The following MOB3A variants were observed in gnomAD, a reference collection of about 807,000 sequenced individuals.
MOB3A encodes MOB LAK.
Under a neutral mutation model 17.8 loss-of-function variants are expected in MOB3A, and 17 were observed. The observed-to-expected ratio is 0.95, with a 90% CI of 0.65 to 1.43. The LOEUF (loss-of-function observed/expected upper bound fraction) is 1.43, where lower values mean the gene tolerates loss of function less well. MOB3A is among the 40% of genes most tolerant of loss of function. The pLI, the probability that MOB3A is intolerant of heterozygous loss-of-function variation, is 0.00. For missense variants in MOB3A, 333 were observed against 310.8 expected, an observed-to-expected ratio of 1.07 and a Z score of -0.54; for synonymous variants, 124 against 133.2, an observed-to-expected ratio of 0.93 and a Z score of 0.48.
intron 1 of MOB3A, among the ~76,000 whole-genome samples, chr19:2,094,416 A>G (rs1258883422): frequency 6.6e-6 from 1 of 152,270 alleles, no homozygotes; most frequent in African/African-American, 2.4e-5. Context: ...CTTCCCCTAC[A>G]TGAAAGCAAG....
At chr19:2,089,799 C>T (rs1340662857) in intron 1 of MOB3A, among the ~76,000 whole-genome samples, 1 of 151,730 alleles carries the variant, frequency 6.6e-6, no homozygotes, top group Non-Finnish European at 1.5e-5. Flanking sequence ...CTAATGCAGT[C>T]CCCCACTTGG....
At position 2,093,668 on chromosome 19, in the gene MOB3A, A is replaced by G. The variant is rs1054325045; in HGVS notation, c.-274+2558T>C. ...TGGCCAGCACATCCCAATTCGGACC[A>G]GCCACATTGCAAGGCCTCCACAGCC... On this transcript the variant is annotated intron_variant, in intron 1 of 4. Coordinates refer to ENST00000357066, the MANE Select transcript of MOB3A (RefSeq NM_130807.3). The surrounding 1 kb of genome is among the most constrained non-coding windows in gnomAD (Gnocchi z 4.6). Among the ~76,000 whole-genome samples, 11 of 152,180 alleles carry G rather than the reference A, an allele frequency of 7.2e-5. No individual in the cohort carries two copies. The highest frequency in any genetic ancestry group is 2.7e-4 in the African/African-American group (11 of 41,430).
In MOB3A at chr19:2,095,717, C is replaced by T. The variant is rs555297567; in HGVS notation, c.-274+509G>A. Among the ~76,000 whole-genome samples, 34 of 152,068 alleles carry T rather than the reference C, an allele frequency of 2.2e-4. No homozygotes were observed. The South Asian group carries it at 5.2e-3, about 23-fold the overall frequency. ...CTCCTGAAGGATCCGGCTTCCCTGCCGCCTGAGTTCGCCCTTCCTTTTTTC... is the reference window on the plus strand; with the variant it reads ...CTCCTGAAGGATCCGGCTTCCCTGCTGCCTGAGTTCGCCCTTCCTTTTTTC... On this transcript the variant is annotated intron_variant, in intron 1 of 4. Coordinates refer to ENST00000357066, the MANE Select transcript of MOB3A (RefSeq NM_130807.3).
intron 1 of MOB3A, among the ~76,000 whole-genome samples, chr19:2,087,515 C>G (rs917924772): frequency 7.9e-5 from 12 of 152,120 alleles, no homozygotes; most frequent in Non-Finnish European, 1.8e-4. Context: ...ATTAGCCAGG[C>G]ATGGTGGATG....
At chr19:2,079,667 G>A (rs932582463) in intron 2 of MOB3A, among the ~76,000 whole-genome samples, 2 of 152,226 alleles carry the variant, frequency 1.3e-5, no homozygotes, top group African/African-American at 4.8e-5. Context: ...AGTCCCTATC[G>A]TGTCAGCATT....
Position 2,078,482 on chromosome 19 carries a change from G to T in MOB3A, c.79C>A (p.Gln27Lys). 6.2e-7 allele frequency: 1 copy of T among 1,610,150 alleles called. No individual in the cohort carries two copies. The highest frequency in any genetic ancestry group is 2.2e-5 in the East Asian group (1 of 44,730). The part of the protein sequence containing the change: ...RPKRKFEPGT[Q>K]RFELHKKAQA... ...GCCTTCTTGTGCAGCTCGAAGCGCTGGGTGCCTGGCTCAAACTTGCGCTTG... is the reference window on the plus strand; with the variant it reads ...GCCTTCTTGTGCAGCTCGAAGCGCTTGGTGCCTGGCTCAAACTTGCGCTTG... The change falls in exon 3 of 5, where the codon CAG (glutamine) becomes AAG (lysine). Residue 27 changes from glutamine (Q) to lysine (K), a missense_variant. Coordinates refer to ENST00000357066, the MANE Select transcript of MOB3A (RefSeq NM_130807.3).
chr19:2,087,635 A>T (rs1271383017), intron 1 of MOB3A, among the ~76,000 whole-genome samples: 1 of 152,136 alleles, frequency 6.6e-6, no homozygotes, highest in Non-Finnish European at 1.5e-5. Context: ...AGCCTGGGGG[A>T]CAAAGTAAGA....
At chr19:2,073,987 C>A (rs1168396782) in intron 4 of MOB3A, among the ~76,000 whole-genome samples, 1 of 150,330 alleles carries the variant, frequency 6.7e-6, no homozygotes, top group Admixed American at 6.6e-5. Flanking sequence ...GCCAAGATCG[C>A]GCCACTGCAC....
intron 4 of MOB3A, among the ~76,000 whole-genome samples, chr19:2,075,394 G>T (rs149150670): frequency 2.0e-5 from 3 of 152,254 alleles, no homozygotes; most frequent in African/African-American, 7.2e-5. Context: ...GAATACTTTG[G>T]GAGGCCAAGG....
chr19:2,084,719 T>C (rs1051029057), intron 2 of MOB3A, among the ~76,000 whole-genome samples: 3 of 151,746 alleles, frequency 2.0e-5, no homozygotes, highest in Admixed American at 2.0e-4. Flanking sequence ...GCCTCCTGAG[T>C]AGCTGGGACT....
chr19:2,083,019 G>GTTT (rs2017508699), intron 2 of MOB3A, among the ~76,000 whole-genome samples: 1 of 143,892 alleles, frequency 6.9e-6, no homozygotes, highest in African/African-American at 2.7e-5. Flanking sequence ...TGTTGTTGTT[G>GTTT]TATTTTTTGT....
chr19:2,075,540 C>G lies in MOB3A; in HGVS notation c.624+1271G>C, dbSNP rs141715335. ...ACTCGGAGGCTGGTGGGGTCCCGCTCTCACATCAGGATCCCCACATCCATA... is the reference window on the plus strand; with the variant it reads ...ACTCGGAGGCTGGTGGGGTCCCGCTGTCACATCAGGATCCCCACATCCATA... On this transcript the variant is annotated intron_variant, in intron 4 of 4. Transcript: ENST00000357066. Among the ~76,000 whole-genome samples the G allele has an allele frequency of 4.0e-3, 608 of 152,234 alleles. 3 individuals are homozygous for G. The highest frequency in any genetic ancestry group is 0.014 in the African/African-American group (594 of 41,546).
At chr19:2,094,968 C>T (rs2017657024) in intron 1 of MOB3A, among the ~76,000 whole-genome samples, 1 of 152,288 alleles carries the variant, frequency 6.6e-6, no homozygotes, top group East Asian at 1.9e-4. Context: ...GTCAGGAGCT[C>T]AAGACCAGCC....
At chr19:2,083,930 C>A (rs1055461767) in intron 2 of MOB3A, among the ~76,000 whole-genome samples, 1 of 152,058 alleles carries the variant, frequency 6.6e-6, no homozygotes, top group Non-Finnish European at 1.5e-5. Flanking sequence ...CACAGGCCCC[C>A]GCTTGTCTTT....
intron 1 of MOB3A, among the ~76,000 whole-genome samples, chr19:2,091,185 C>T (rs2017609842): frequency 6.6e-6 from 1 of 152,130 alleles, no homozygotes; most frequent in African/African-American, 2.4e-5. Flanking sequence ...GAGTCATTCC[C>T]AAGCCCATCT....
intron 2 of MOB3A, among the ~76,000 whole-genome samples, chr19:2,081,318 T>C (rs1049594810): frequency 4.6e-5 from 7 of 152,164 alleles, no homozygotes; most frequent in Non-Finnish European, 1.0e-4. Context: ...CCGGGCGTGG[T>C]GGCTCACGCC....
intron 1 of MOB3A, among the ~76,000 whole-genome samples, chr19:2,087,845 G>C (rs1471797232): frequency 1.3e-5 from 2 of 152,172 alleles, no homozygotes; most frequent in African/African-American, 2.4e-5. Context: ...TCCTTTCACG[G>C]AACTTTTTCC....
At chr19:2,091,145 G>T (rs1314815938) in intron 1 of MOB3A, among the ~76,000 whole-genome samples, 1 of 152,174 alleles carries the variant, frequency 6.6e-6, no homozygotes, top group Non-Finnish European at 1.5e-5. Context: ...CCGGCTGCTG[G>T]CCAGATCAGG....
At chr19:2,095,638 C>T (rs1599415977) in intron 1 of MOB3A, among the ~76,000 whole-genome samples, 1 of 152,332 alleles carries the variant, frequency 6.6e-6, no homozygotes, top group East Asian at 1.9e-4. Context: ...GTCTCCCCGC[C>T]GCCCGCGTTC....
Sources: allele counts gnomAD v4.1 joint callset (sites outside exome capture counted in the v4.1 genomes callset), GRCh38; gene constraint gnomAD v4.1.1; non-coding constraint Gnocchi (gnomAD v3.1); transcripts MANE v1.5; gene names NCBI Gene and HGNC (gene_info 2026-07-23, HGNC 2026-07-21).